Variants in JAK1 observed in about 807,000 individuals in gnomAD.
JAK1 encodes the protein tyrosine-protein kinase JAK1.
JAK1 carries 16 observed loss-of-function variants against 136.6 expected under a neutral mutation model. The ratio of observed to expected loss-of-function variants is 0.12; its 90% CI spans 0.08 to 0.18. The LOEUF is 0.18. JAK1 is among the 10% of genes least tolerant of loss of function. The pLI is 1.00. For missense variants in JAK1, 859 were observed against 1,450.1 expected (o/e 0.59, Z 6.62); for synonymous variants, 492 against 519.5 (o/e 0.95, Z 0.72).
intron 22 of JAK1, 103 bp from the exon 23 acceptor site, chr1:64,836,318 T>C: frequency 1.4e-6 from 1 of 727,760 alleles, no homozygotes; most frequent in East Asian, 2.5e-5. Context: ...TCTTATAATT[T>C]AATACAGCAT....
chr1:64,834,793 T>C (rs1413157147), intron 24 of JAK1, 136 bp from the exon 25 acceptor site: 3 of 615,976 alleles, frequency 4.9e-6, no homozygotes, highest in African/African-American at 3.7e-5. Context: ...ACAAGAGTAT[T>C]TGAATAGTTT....
intron 1 of JAK1, among the ~76,000 whole-genome samples, chr1:64,902,502 AGTATATAACATGAGCACTGG>A (rs1645121765): frequency 6.7e-6 from 1 of 148,690 alleles, no homozygotes; most frequent in Admixed American, 6.7e-5. Flanking sequence ...CAAGGATCTG[AGTATATAACATGAGCACTGG>A]GGACATGGTG....
intron 1 of JAK1, among the ~76,000 whole-genome samples, chr1:64,930,561 T>C (rs1645672079): frequency 6.6e-6 from 1 of 152,164 alleles, no homozygotes; most frequent in South Asian, 2.1e-4. Context: ...GAGTATAAAT[T>C]AGTTCAACCA....
At chr1:64,989,002 GTATATATATATA>G (rs57569640) in intron 2 of JAK1, among the ~76,000 whole-genome samples, 8 of 129,210 alleles carry the variant, frequency 6.2e-5, no homozygotes, top group South Asian at 2.5e-4. Flanking sequence ...GTGTGTGTGT[GTATATATATATA>G]TATATATATA....
chr1:64,956,961 G>A (rs1646198540), intron 1 of JAK1, among the ~76,000 whole-genome samples: 1 of 152,206 alleles, frequency 6.6e-6, no homozygotes, highest in South Asian at 2.1e-4. Context: ...GCACCAGTAG[G>A]GTTGAGGGAC....
chr1:64,860,307 C>T, intron 8 of JAK1, 45 bp from the exon 9 acceptor site: 4 of 1,533,400 alleles, frequency 2.6e-6, no homozygotes, highest in Middle Eastern at 1.8e-4. Context: ...ATGTCTCTAT[C>T]AGCTTAAGTG....
intron 1 of JAK1, among the ~76,000 whole-genome samples, chr1:64,956,280 G>C (rs889061028): frequency 2.0e-5 from 3 of 152,234 alleles, no homozygotes; most frequent in Non-Finnish European, 2.9e-5. Context: ...TTATTATGAT[G>C]ATGGGTCAGA....
chr1:64,849,161 C>A (rs1454188586), intron 12 of JAK1, among the ~76,000 whole-genome samples: 1 of 152,172 alleles, frequency 6.6e-6, no homozygotes, highest in Non-Finnish European at 1.5e-5. Context: ...CCTTGCCTAG[C>A]TACTTGAGTT....
At chr1:65,022,816 A>G (rs533050239) in intron 2 of JAK1, among the ~76,000 whole-genome samples, 5 of 152,278 alleles carry the variant, frequency 3.3e-5, no homozygotes, top group African/African-American at 1.2e-4. Context: ...AGGGCTTTCA[A>G]TGTGTATATC....
At chr1:64,843,999 C>T in intron 17 of JAK1, 65 bp downstream of exon 17, 1 of 1,589,962 alleles carries the variant, frequency 6.3e-7, no homozygotes, top group East Asian at 2.2e-5. Flanking sequence ...TCCGACAACT[C>T]CTGGGAAGCC....
Position 64,837,924 on chromosome 1 carries a change from T to G in JAK1, c.3140+8A>C, listed in dbSNP as rs1480045364. 1.9e-6 allele frequency: 3 copies of G among 1,606,894 alleles called. No homozygotes were observed. In the Admixed American group the frequency reaches 5.0e-5, roughly 27 times the overall value. On this transcript the variant is annotated splice_region_variant and intron_variant, in intron 22 of 24. Coordinates refer to ENST00000342505, the MANE Select transcript of JAK1 (RefSeq NM_002227.4). ...CATTGATAAAACCTAGTGGTTTGAT[T>G]CAGTTACCAAAACACAGGGCTGTCC...
chr1:64,977,846 C>G (rs147989394), intron 2 of JAK1, among the ~76,000 whole-genome samples: 1 of 151,422 alleles, frequency 6.6e-6, no homozygotes, highest in East Asian at 1.9e-4. Flanking sequence ...ATCCTGGCTT[C>G]CCTACTGTGG....
At chr1:64,895,282 T>C (rs753947286) in intron 1 of JAK1, among the ~76,000 whole-genome samples, 6 of 152,256 alleles carry the variant, frequency 3.9e-5, no homozygotes, top group South Asian at 4.1e-4. Context: ...ATCCTTACTA[T>C]GTGCCATTCC....
At chr1:64,865,386 A>G (rs1656634292) in intron 7 of JAK1, among the ~76,000 whole-genome samples, 1 of 152,144 alleles carries the variant, frequency 6.6e-6, no homozygotes, top group African/African-American at 2.4e-5. Context: ...CCTATCACCA[A>G]TCGTCTTGAC....
intron 20 of JAK1, among the ~76,000 whole-genome samples, chr1:64,839,012 G>A (rs1316150883): frequency 2.0e-5 from 3 of 151,036 alleles, no homozygotes; most frequent in Admixed American, 6.6e-5. Flanking sequence ...CGGGCGTGAT[G>A]GCGGGCGCCT....
intron 1 of JAK1, among the ~76,000 whole-genome samples, chr1:64,964,258 T>C (rs1646334659): frequency 6.6e-6 from 1 of 152,200 alleles, no homozygotes; most frequent in Non-Finnish European, 1.5e-5. Context: ...TATTATCTTA[T>C]CAGGACATAA....
At chr1:64,897,664 G>A (rs562537682) in intron 1 of JAK1, among the ~76,000 whole-genome samples, 1 of 151,384 alleles carries the variant, frequency 6.6e-6, no homozygotes, top group East Asian at 2.0e-4. Context: ...AGGTAAGGAG[G>A]AAAACTGGGC....
chr1:65,009,228 A>G (rs1364967188), intron 2 of JAK1, among the ~76,000 whole-genome samples: 1 of 152,216 alleles, frequency 6.6e-6, no homozygotes, highest in Non-Finnish European at 1.5e-5. Context: ...TCTGTTAATT[A>G]CAGAAAAAAT....
At chr1:65,016,910 A>G (rs1646896234) in intron 2 of JAK1, among the ~76,000 whole-genome samples, 2 of 152,136 alleles carry the variant, frequency 1.3e-5, no homozygotes, top group South Asian at 2.1e-4. Flanking sequence ...AAAAATAAGT[A>G]AATAAATAAA....
Sources: gnomAD v4.1 joint callset for allele counts (sites outside exome capture counted in the v4.1 genomes callset) on GRCh38, gnomAD v4.1.1 for gene constraint, MANE v1.5 for transcripts, NCBI Gene and HGNC (gene_info 2026-07-23, HGNC 2026-07-21) for gene names.